Variants in L3MBTL2 observed in about 807,000 individuals in gnomAD.
L3MBTL2 encodes lethal(3)malignant brain tumor-like protein 2.
Under a neutral mutation model 86.4 loss-of-function variants are expected in L3MBTL2, and 49 were observed. The observed-to-expected ratio is 0.57, with a 90% CI of 0.45 to 0.72. L3MBTL2 has a LOEUF of 0.72. Ranked by LOEUF, L3MBTL2 falls within the 30% of genes least tolerant of loss-of-function variation. The probability of loss-of-function intolerance (pLI) is 0.00; values close to 1 mark genes in which losing one functional copy is unlikely to be tolerated. For missense variants in L3MBTL2, 755 were observed against 923.7 expected (o/e 0.82, Z 2.37); for synonymous variants, 336 against 350.6 (o/e 0.96, Z 0.47).
In L3MBTL2 at chr22:41,227,679, G is replaced by C. The variant is rs958468870; in HGVS notation, c.1823-125G>C. On this transcript the variant is annotated intron_variant, in intron 14 of 16. Transcript: ENST00000216237. The surrounding 1 kb of genome is among the most constrained non-coding windows in gnomAD (Gnocchi z 6.0). ...AGCCCCGCCCTCTCCTCATTGCCCA[G>C]GTTTGGCTTCCTGTCTTGGGGTGTC... 5 of 1,581,922 alleles carry C rather than the reference G, an allele frequency of 3.2e-6. No homozygotes were observed. The African/African-American group carries it at 6.8e-5, about 21-fold the overall frequency.
At chr22:41,213,737 C>A in intron 2 of L3MBTL2, 156 bp from the exon 3 acceptor site, 1 of 789,012 alleles carries the variant, frequency 1.3e-6, no homozygotes, top group Non-Finnish European at 2.1e-6. Flanking sequence ...AGGATATACA[C>A]ACCAGTACCT....
At chr22:41,228,576 C>G in intron 15 of L3MBTL2, 1 of 949,594 alleles carries the variant, frequency 1.1e-6, no homozygotes, top group Non-Finnish European at 1.3e-6. Flanking sequence ...GGCGGCCAGG[C>G]GCGGTGGCTC....
In L3MBTL2 at chr22:41,227,902, T is replaced by C; in HGVS notation, c.1888+33T>C. The C allele has an allele frequency of 6.2e-7, 1 of 1,607,824 alleles. No individual in the cohort carries two copies. The highest frequency in any genetic ancestry group is 8.5e-7 in the Non-Finnish European group (1 of 1,176,922). On this transcript the variant is annotated intron_variant, in intron 15 of 16. Coordinates refer to ENST00000216237, the MANE Select transcript of L3MBTL2 (RefSeq NM_031488.5). The surrounding 1 kb of genome is among the most constrained non-coding windows in gnomAD (Gnocchi z 6.0). The stretch of plus-strand genomic sequence containing the variant: ...CTGCACCGGTGCAGCCAGGCTGGTG[T>C]GGGCCTGGGAGCAGTGGGCCTGCGT...
At position 41,227,321 on chromosome 22, in the gene L3MBTL2, C is replaced by T. The variant is rs1429709083; in HGVS notation, c.1820C>T (p.Ala607Val). The T allele has an allele frequency of 6.3e-7, 1 of 1,594,978 alleles. No individual in the cohort carries two copies. Among genetic ancestry groups the T allele is most frequent in the Admixed American group, 1.8e-5 (1 of 57,108 alleles). ...TACCAGCTCCAGCCTCCTGTGGCCG[C>T]AGGTGTGGGCTCTCGTGGCCCTAAG... ...TGYQLQPPVAAEPATPLKAKE... is the reference protein window; with the variant it reads ...TGYQLQPPVAVEPATPLKAKE... Residue 607 changes from alanine to valine, a missense_variant and splice_region_variant, in exon 14 of 17, where the codon GCA becomes GTA. Ala to Val is a moderately conservative substitution (Grantham distance 64, BLOSUM62 0). This residue lies in a region of L3MBTL2 where 634 missense variants were observed against 748.9 expected (regional missense o/e 0.85). Coordinates refer to ENST00000216237, the MANE Select transcript of L3MBTL2 (RefSeq NM_031488.5). This position sits in a 1 kb window ranked among gnomAD's most constrained non-coding sequence, Gnocchi z 6.0.
Position 41,224,213 on chromosome 22 carries a change from G to T in L3MBTL2, c.1136G>T (p.Gly379Val). The T allele has an allele frequency of 6.2e-7, 1 of 1,613,756 alleles. No homozygotes were observed. Among genetic ancestry groups the T allele is most frequent in the Non-Finnish European group, 8.5e-7 (1 of 1,179,822 alleles). ...HMWSPLIHPV[G>V]WSRRVGHGIK... is the part of the protein sequence containing the mutation. ...TGGAGCCCCCTGATCCACCCAGTGG[G>T]TTGGTCACGACGTGTGGGCCACGGC... Residue 379 changes from glycine to valine, a missense_variant, in exon 9 of 17, where the codon GGT becomes GTT. Physicochemically the swap from Gly to Val is moderately radical, Grantham distance 109. This residue lies in a region of L3MBTL2 where 634 missense variants were observed against 748.9 expected (regional missense o/e 0.85). Transcript: ENST00000216237. This position sits in a 1 kb window ranked among gnomAD's most constrained non-coding sequence, Gnocchi z 4.9.
intron 13 of L3MBTL2, 68 bp downstream of exon 13, chr22:41,226,812 G>T: frequency 8.8e-7 from 1 of 1,130,572 alleles, no homozygotes. Flanking sequence ...GCTGCTGTCA[G>T]TGGTGGCAGT....
intron 2 of L3MBTL2, among the ~76,000 whole-genome samples, chr22:41,211,437 C>T (rs1382898052): frequency 1.3e-5 from 2 of 151,792 alleles, no homozygotes; most frequent in Non-Finnish European, 2.9e-5. Context: ...AACTCCCAAG[C>T]TCAAGTGATC....
At position 41,225,002 on chromosome 22, in the gene L3MBTL2, G is replaced by A; in HGVS notation, c.1287G>A (p.Glu429=). The A allele has an allele frequency of 1.2e-6, 2 of 1,614,060 alleles. No individual in the cohort carries two copies. The highest frequency in any genetic ancestry group is 1.7e-6 in the Non-Finnish European group (2 of 1,179,950). The change falls in exon 11 of 17, where the codon GAG becomes GAA. Residue 429 remains glutamate (E), a synonymous_variant. Transcript: ENST00000216237. This position sits in a 1 kb window ranked among gnomAD's most constrained non-coding sequence, Gnocchi z 4.1. The part of the protein sequence containing the change: ...RAVYTEGGWF[E]EGMKLEAIDP... ...TCTACACAGAAGGCGGTTGGTTTGAGGAAGGGATGAAGCTGGAGGCCATTG... is the reference window on the plus strand; with the variant it reads ...TCTACACAGAAGGCGGTTGGTTTGAAGAAGGGATGAAGCTGGAGGCCATTG...
At position 41,229,641 on chromosome 22, in the gene L3MBTL2, C is replaced by G; in HGVS notation, c.1990C>G (p.Pro664Ala). The change falls in exon 16 of 17, where the codon CCT (proline) becomes GCT (alanine). Residue 664 changes from proline (P) to alanine (A), a missense_variant. Physicochemically the swap from Pro to Ala is conservative, Grantham distance 27. This residue lies in a region of L3MBTL2 where 634 missense variants were observed against 748.9 expected (regional missense o/e 0.85). Coordinates refer to ENST00000216237, the MANE Select transcript of L3MBTL2 (RefSeq NM_031488.5). Reference protein sequence around the residue: ...PQGARKISSEPVPGEIIAVRV... With the variant: ...PQGARKISSEAVPGEIIAVRV... ...GGGTGCCAGGAAGATCTCGTCGGAGCCTGTTCCTGGCGAGAGTAAGAGCCA... is the reference window on the plus strand; with the variant it reads ...GGGTGCCAGGAAGATCTCGTCGGAGGCTGTTCCTGGCGAGAGTAAGAGCCA... The G allele has an allele frequency of 6.2e-7, 1 of 1,613,666 alleles. No homozygotes were observed. The highest frequency in any genetic ancestry group is 1.1e-5 in the South Asian group (1 of 91,058).
At position 41,209,874 on chromosome 22, in the gene L3MBTL2, C is replaced by T. The variant is rs769785109; in HGVS notation, c.203C>T (p.Pro68Leu). The T allele has an allele frequency of 6.2e-6, 10 of 1,614,144 alleles. No homozygotes were observed. In the East Asian group the frequency reaches 1.1e-4, roughly 18 times the overall value. ...GAAGCAGGGGAACTGCCGACCTCCC[C>T]GCTGCATTTGCTCAGCCCTGGGACT... The part of the protein sequence containing the change: ...DREAGELPTS[P>L]LHLLSPGTPR... Residue 68 changes from proline (P) to leucine (L), a missense_variant, in exon 2 of 17, where the codon CCG becomes CTG. Transcript: ENST00000216237.
chr22:41,214,584 G>A (rs1219360129), intron 3 of L3MBTL2: 1 of 152,256 alleles, frequency 6.6e-6, no homozygotes, highest in Non-Finnish European at 1.5e-5. Flanking sequence ...TCTGTAGGAG[G>A]AGAATGGCGG....
chr22:41,220,669 A>C lies in L3MBTL2; in HGVS notation c.719-65A>C, dbSNP rs1384453995. On this transcript the variant is annotated intron_variant, in intron 6 of 16. Coordinates refer to ENST00000216237, the MANE Select transcript of L3MBTL2 (RefSeq NM_031488.5). ...CAAGACTTCGTCTCAGAAAAAAAAAAAAAAAACAGAACATACCTTCCCCAG... is the reference window on the plus strand; with the variant it reads ...CAAGACTTCGTCTCAGAAAAAAAAACAAAAAACAGAACATACCTTCCCCAG... 3.3e-6 allele frequency: 5 copies of C among 1,512,186 alleles called. No individual in the cohort carries two copies. The African/African-American group carries it at 4.2e-5, about 13-fold the overall frequency. The allele number at this position is 1,512,186 out of a possible 1,614,324, so 93.7% of individuals were successfully genotyped here. A position where few individuals can be genotyped will look rare whatever the true frequency, so the allele number is the denominator to read the frequency against.
At chr22:41,206,842 T>C (rs182539516) in intron 1 of L3MBTL2, among the ~76,000 whole-genome samples, 6 of 152,264 alleles carry the variant, frequency 3.9e-5, no homozygotes, top group African/African-American at 1.4e-4. Flanking sequence ...TCTAGCATAT[T>C]TGCATGTGTA....
intron 1 of L3MBTL2, among the ~76,000 whole-genome samples, chr22:41,207,172 T>TA (rs1399163519): frequency 1.3e-5 from 2 of 151,930 alleles, no homozygotes; most frequent in Non-Finnish European, 2.9e-5. Flanking sequence ...ATTGAGCACT[T>TA]ACTATATGCA....
intron 4 of L3MBTL2, among the ~76,000 whole-genome samples, chr22:41,216,577 T>C (rs1444860915): frequency 6.6e-6 from 1 of 152,198 alleles, no homozygotes; most frequent in Non-Finnish European, 1.5e-5. Flanking sequence ...GGCCCAGATA[T>C]GGTTTGAAGG....
chr22:41,208,747 T>C (rs2030456268), intron 1 of L3MBTL2, among the ~76,000 whole-genome samples: 1 of 152,132 alleles, frequency 6.6e-6, no homozygotes, highest in South Asian at 2.1e-4. Flanking sequence ...GGGGAAGAAT[T>C]TTTGTTTTTC....
intron 12 of L3MBTL2, among the ~76,000 whole-genome samples, chr22:41,226,157 A>G (rs2032168996): frequency 6.6e-6 from 1 of 152,158 alleles, no homozygotes; most frequent in Non-Finnish European, 1.5e-5. Context: ...GGTGCCTATA[A>G]TCCCAGCCAC....
At position 41,227,556 on chromosome 22, in the gene L3MBTL2, C is replaced by T. The variant is rs187614334; in HGVS notation, c.1822+233C>T. 2.2e-5 allele frequency: 33 copies of T among 1,534,620 alleles called. 1 individual carries two copies. Among genetic ancestry groups the T allele is most frequent in the South Asian group, 2.0e-4 (17 of 82,974 alleles). On this transcript the variant is annotated intron_variant, in intron 14 of 16. Coordinates refer to ENST00000216237, the MANE Select transcript of L3MBTL2 (RefSeq NM_031488.5). The surrounding 1 kb of genome is among the most constrained non-coding windows in gnomAD (Gnocchi z 6.0). ...CATCTTGCCCACTCTGTCATATGTT[C>T]GTGCCCTTGTGCACCCAGGTAAACT...
rs370322931 is a variant in L3MBTL2, at chr22:41,230,144, G to A, written c.2011G>A (p.Ala671Thr). The part of the protein sequence containing the change: ...SSEPVPGEII[A>T]VRVKEEHLDV... The stretch of plus-strand genomic sequence containing the variant: ...CGCCTCCCCTCCCTCTTCAGTCATT[G>A]CTGTGCGTGTGAAGGAAGAGCATCT... The change falls in exon 17 of 17, where the codon GCT (alanine) becomes ACT (threonine). Residue 671 changes from alanine to threonine, a missense_variant. This residue lies in a region of L3MBTL2 where 634 missense variants were observed against 748.9 expected (regional missense o/e 0.85). Transcript: ENST00000216237. 12 of 723,018 alleles carry A rather than the reference G, an allele frequency of 1.7e-5. No individual in the cohort carries two copies. The highest frequency in any genetic ancestry group is 2.7e-5 in the Non-Finnish European group (12 of 452,182). 44.8% of individuals were successfully genotyped at this position (723,018 alleles called of 1,614,324 possible).
Sources: gnomAD v4.1 joint callset for allele counts (sites outside exome capture counted in the v4.1 genomes callset) on GRCh38, gnomAD v4.1.1 for gene constraint, gnomAD v4.1.1 regional missense constraint, Gnocchi (gnomAD v3.1) non-coding constraint, MANE v1.5 for transcripts, NCBI Gene and HGNC (gene_info 2026-07-23, HGNC 2026-07-21) for gene names.